The following ELMOD1 variants were observed in gnomAD, a reference collection of about 807,000 sequenced individuals.
The protein encoded by ELMOD1 is ELMO domain containing 1, also known as ELMO domain-containing protein 1.
A neutral mutation model predicts 46.7 loss-of-function variants in ELMOD1; 21 were observed. That is an observed-to-expected ratio of 0.45 (90% confidence interval 0.32 to 0.65). The LOEUF is 0.65. Ranked by LOEUF, ELMOD1 falls within the 30% of genes least tolerant of loss-of-function variation. The pLI, the probability that ELMOD1 is intolerant of heterozygous loss-of-function variation, is 0.04. For synonymous variants in ELMOD1, 122 were observed against 138.2 expected (o/e 0.88, Z 0.82); for missense variants, 348 against 407.8 (o/e 0.85, Z 1.26).
chr11:107,598,297 A>T (rs1271870937), intron 1 of ELMOD1, among the ~76,000 whole-genome samples: 1 of 152,164 alleles, frequency 6.6e-6, no homozygotes, highest in Non-Finnish European at 1.5e-5. Flanking sequence ...GAAAAGACTA[A>T]TGGCCCAGCT....
chr11:107,621,598 T>TAAAAAAA (rs1191937173), intron 2 of ELMOD1, among the ~76,000 whole-genome samples: 1 of 75,182 alleles, frequency 1.3e-5, no homozygotes, highest in Non-Finnish European at 3.9e-5. Context: ...GGAGGCTTAG[T>TAAAAAAA]AAAGTTAAGT....
chr11:107,645,732 C>G (rs1225228018), intron 6 of ELMOD1, among the ~76,000 whole-genome samples: 1 of 152,220 alleles, frequency 6.6e-6, no homozygotes, highest in Non-Finnish European at 1.5e-5. Context: ...CATGAGAGAT[C>G]TACCTCCTAT....
chr11:107,655,264 T>G (rs7116678), intron 10 of ELMOD1, among the ~76,000 whole-genome samples: 119,359 of 152,094 alleles, frequency 0.78, 47,682 homozygotes, highest in African/African-American at 0.93. Flanking sequence ...TATATGAGAT[T>G]ACCATAATTT....
chr11:107,646,875 T>C (rs1444088581), intron 6 of ELMOD1, among the ~76,000 whole-genome samples: 1 of 152,108 alleles, frequency 6.6e-6, no homozygotes, highest in Admixed American at 6.6e-5. Flanking sequence ...TCCTCTTCTC[T>C]CTTTTCTTTA....
At chr11:107,605,505 G>A (rs1045591122) in intron 1 of ELMOD1, among the ~76,000 whole-genome samples, 3 of 152,126 alleles carry the variant, frequency 2.0e-5, no homozygotes, top group African/African-American at 7.2e-5. Context: ...CCAGCCTTGA[G>A]AGATGAATTT....
At chr11:107,620,778 C>T (rs776373629) in intron 2 of ELMOD1, among the ~76,000 whole-genome samples, 17 of 152,288 alleles carry the variant, frequency 1.1e-4, no homozygotes, top group African/African-American at 3.4e-4. Context: ...GCAGGAGAAT[C>T]GCTTGAACCA....
intron 6 of ELMOD1, among the ~76,000 whole-genome samples, chr11:107,647,164 C>T (rs970158665): frequency 3.3e-5 from 5 of 152,186 alleles, no homozygotes; most frequent in African/African-American, 1.2e-4. Flanking sequence ...CAAATAACCT[C>T]TTCTTTTATT....
intron 1 of ELMOD1, among the ~76,000 whole-genome samples, chr11:107,611,815 A>G (rs1046990351): frequency 6.6e-6 from 1 of 152,142 alleles, no homozygotes; most frequent in African/African-American, 2.4e-5. Flanking sequence ...CAAAACCACA[A>G]TGAGATACCA....
Position 107,644,908 on chromosome 11 carries a change from G to GTTTTTT in ELMOD1, c.421-2555_421-2554insTTTTTT, listed in dbSNP as rs35769494. 2.4e-4 allele frequency among the ~76,000 whole-genome samples: 30 copies of GTTTTTT among 127,054 alleles called. No homozygotes were observed. In the South Asian group the frequency reaches 2.8e-3, roughly 12 times the overall value. 83.4% of individuals were successfully genotyped at this position (127,054 alleles called of 152,430 possible). A position where few individuals can be genotyped will look rare whatever the true frequency, so the allele number is the denominator to read the frequency against. ...CAGTCACCAAATCAGTTCCTAAAGG[G>GTTTTTT]TTTTTGTTTTTGTTTTTGTTTTTGT... On this transcript the variant is annotated intron_variant, in intron 6 of 11. Transcript: ENST00000265840.
Position 107,648,906 on chromosome 11 carries a change from G to A in ELMOD1, c.554+1305G>A, listed in dbSNP as rs539848229. ...TGTAGTCATTATTTTTTGAGTCAAAGGGTCCTTTCAAGTTGGTTCTTGTGT... is the reference window on the plus strand; with the variant it reads ...TGTAGTCATTATTTTTTGAGTCAAAAGGTCCTTTCAAGTTGGTTCTTGTGT... On this transcript the variant is annotated intron_variant, in intron 7 of 11. Transcript: ENST00000265840. Among the ~76,000 whole-genome samples the A allele has an allele frequency of 5.3e-5, 8 of 152,012 alleles. No individual in the cohort carries two copies. In the South Asian group the frequency reaches 1.7e-3, roughly 32 times the overall value.
chr11:107,642,708 A>G (rs1468422457), intron 6 of ELMOD1, among the ~76,000 whole-genome samples: 1 of 152,220 alleles, frequency 6.6e-6, no homozygotes, highest in East Asian at 1.9e-4. Context: ...ACTGGTGAAT[A>G]TACAGCTTAT....
intron 2 of ELMOD1, among the ~76,000 whole-genome samples, chr11:107,620,700 C>T (rs747765196): frequency 1.3e-5 from 2 of 152,138 alleles, no homozygotes; most frequent in Non-Finnish European, 2.9e-5. Flanking sequence ...ACCATCTCTA[C>T]TAAAAATACA....
chr11:107,603,551 C>CCAACAA (rs1354965617), intron 1 of ELMOD1, among the ~76,000 whole-genome samples: 2 of 149,918 alleles, frequency 1.3e-5, no homozygotes, highest in Non-Finnish European at 3.0e-5. Flanking sequence ...AAAAACAAAA[C>CCAACAA]CAACAACAAC....
intron 11 of ELMOD1, among the ~76,000 whole-genome samples, chr11:107,656,649 G>A (rs1314677593): frequency 6.6e-6 from 1 of 151,754 alleles, no homozygotes; most frequent in Non-Finnish European, 1.5e-5. Context: ...TATATTTTCA[G>A]GCATGGTAAA....
intron 2 of ELMOD1, among the ~76,000 whole-genome samples, chr11:107,623,047 C>A (rs1427411054): frequency 6.6e-6 from 1 of 152,130 alleles, no homozygotes; most frequent in East Asian, 1.9e-4. Context: ...CATATGTATA[C>A]ATGTGCCATG....
intron 1 of ELMOD1, among the ~76,000 whole-genome samples, chr11:107,617,300 T>C (rs184238679): frequency 5.3e-5 from 8 of 152,376 alleles, no homozygotes; most frequent in African/African-American, 1.9e-4. Flanking sequence ...CAGCTCTTTT[T>C]CGAATGTATA....
Position 107,591,296 on chromosome 11 carries a change from G to C in ELMOD1, c.-199G>C, listed in dbSNP as rs751021672. 6.6e-5 allele frequency: 10 copies of C among 152,164 alleles called. No homozygotes were observed. The highest frequency in any genetic ancestry group is 1.2e-4 in the Non-Finnish European group (8 of 68,114). The allele number at this position is 152,164 out of a possible 1,614,324, so 9.4% of individuals were successfully genotyped here. On this transcript the variant is annotated 5_prime_UTR_variant, in exon 1 of 12. Coordinates refer to ENST00000265840, the MANE Select transcript of ELMOD1 (RefSeq NM_018712.4). ...CTGTCCAGCCTCGGCGCCCGGGACC[G>C]AGCGCGTCGCTCGCCGCCGCGGAGC...
At chr11:107,625,222 T>A (rs908405934) in intron 2 of ELMOD1, among the ~76,000 whole-genome samples, 1 of 152,296 alleles carries the variant, frequency 6.6e-6, no homozygotes, top group African/African-American at 2.4e-5. Context: ...TGCCCCTACT[T>A]AGGAACTTCA....
intron 5 of ELMOD1, among the ~76,000 whole-genome samples, chr11:107,632,145 G>A (rs11212304): frequency 0.055 from 8,440 of 152,268 alleles, 258 homozygotes; most frequent in African/African-American, 0.081. Context: ...GTGTGGGAAG[G>A]AGAAATGGTT....
Sources: gnomAD v4.1 joint callset for allele counts (sites outside exome capture counted in the v4.1 genomes callset) on GRCh38, gnomAD v4.1.1 for gene constraint, MANE v1.5 for transcripts, NCBI Gene and HGNC (gene_info 2026-07-23, HGNC 2026-07-21) for gene names.